Variants in SAMD4B observed in about 807,000 individuals in gnomAD.
The protein encoded by SAMD4B is sterile alpha motif domain containing 4B.
Under a neutral mutation model 74.5 loss-of-function variants are expected in SAMD4B, and 5 were observed. The ratio of observed to expected loss-of-function variants is 0.07; its 90% CI spans 0.04 to 0.14. The LOEUF (loss-of-function observed/expected upper bound fraction) is 0.14. Among genes scored for constraint, SAMD4B ranks in the 10% least tolerant of loss-of-function variants. SAMD4B has a pLI of 1.00. For synonymous variants in SAMD4B, 373 were observed against 374.9 expected (o/e 1.00, Z 0.06); for missense variants, 608 against 921.8 (o/e 0.66, Z 4.41).
At chr19:39,349,281 C>T (rs2075882330) in intron 1 of SAMD4B, among the ~76,000 whole-genome samples, 1 of 152,096 alleles carries the variant, frequency 6.6e-6, no homozygotes, top group Non-Finnish European at 1.5e-5. Context: ...GAGTTAATTA[C>T]ATGCCTAAGT....
At chr19:39,386,056 C>T, downstream of SAMD4B, 1 of 1,613,960 alleles carries the variant, frequency 6.2e-7, no homozygotes, top group Non-Finnish European at 8.5e-7. This position sits in a 1 kb window ranked among gnomAD's most constrained non-coding sequence, Gnocchi z 6.1. Flanking sequence ...TCCTCCTGGG[C>T]CGAGTGCTCG....
intron 6 of SAMD4B, 56 bp from the exon 7 acceptor site, chr19:39,376,649 C>A (rs2145793004): frequency 6.3e-7 from 1 of 1,597,636 alleles, no homozygotes; most frequent in South Asian, 1.1e-5. Flanking sequence ...TTGGGTACCC[C>A]CAAATATCTC....
chr19:39,376,660 A>G, intron 6 of SAMD4B, 45 bp from the exon 7 acceptor site: 1 of 1,600,936 alleles, frequency 6.2e-7, no homozygotes, highest in Non-Finnish European at 8.6e-7. Context: ...CAAATATCTC[A>G]GCCTCACATC....
At chr19:39,380,847 C>T (rs1264180620) in intron 11 of SAMD4B, 62 bp downstream of exon 11, 1 of 1,500,988 alleles carries the variant, frequency 6.7e-7, no homozygotes, top group African/African-American at 1.4e-5. Context: ...CCTGGGATGT[C>T]TATTTGCCTG....
rs2077547872 is a variant in SAMD4B, at chr19:39,375,513, T to C, written c.668-137T>C. Reference sequence around the variant, plus strand: ...AGAATGAGGTATATCTGGTAGGCAGTTACCCTTGGACCCCAGGTCCCTTCC... The same window carrying C: ...AGAATGAGGTATATCTGGTAGGCAGCTACCCTTGGACCCCAGGTCCCTTCC... On this transcript the variant is annotated intron_variant, in intron 4 of 13. Coordinates refer to ENST00000610417, the MANE Select transcript of SAMD4B (RefSeq NM_001384574.2). This position sits in a 1 kb window ranked among gnomAD's most constrained non-coding sequence, Gnocchi z 4.1. 1 of 1,100,718 alleles carries C rather than the reference T, an allele frequency of 9.1e-7. No homozygotes were observed. Among genetic ancestry groups the C allele is most frequent in the Non-Finnish European group, 1.3e-6 (1 of 760,188 alleles). The allele number at this position is 1,100,718 out of a possible 1,614,324, so 68.2% of individuals were successfully genotyped here. A position where few individuals can be genotyped will look rare whatever the true frequency, so the allele number is the denominator to read the frequency against.
At chr19:39,379,532 C>T (rs1212359998) in intron 9 of SAMD4B, among the ~76,000 whole-genome samples, 1 of 152,240 alleles carries the variant, frequency 6.6e-6, no homozygotes, top group African/African-American at 2.4e-5. Flanking sequence ...GTCACCTCTG[C>T]ATCCCAGAAT....
At position 39,358,163 on chromosome 19, in the gene SAMD4B, C is replaced by T. The variant is rs534374314; in HGVS notation, c.196+1074C>T. On this transcript the variant is annotated intron_variant, in intron 3 of 13. Transcript: ENST00000610417. ...GCAGGTGCCTGTAATCCCAGCTACT[C>T]GGGAGGCTGAGGCAAGAGAATCGCT... is the stretch of plus-strand genomic sequence containing the variant. 6.6e-5 allele frequency among the ~76,000 whole-genome samples: 10 copies of T among 152,134 alleles called. No homozygotes were observed. The South Asian group carries it at 2.1e-3, about 32-fold the overall frequency.
intron 5 of SAMD4B, 113 bp from the exon 6 acceptor site, chr19:39,376,324 C>T (rs1314470449): frequency 1.2e-6 from 1 of 802,506 alleles, no homozygotes; most frequent in East Asian, 2.7e-5. Context: ...CCAACCCCCT[C>T]CCAATTTTTT....
chr19:39,371,826 A>AAAC (rs1338059395), intron 4 of SAMD4B, among the ~76,000 whole-genome samples: 1 of 152,108 alleles, frequency 6.6e-6, no homozygotes, highest in Non-Finnish European at 1.5e-5. Context: ...CAAAAAAAAA[A>AAAC]AAACAAAAAC....
chr19:39,374,489 T>C (rs1198809778), intron 4 of SAMD4B, among the ~76,000 whole-genome samples: 1 of 152,182 alleles, frequency 6.6e-6, no homozygotes, highest in Non-Finnish European at 1.5e-5. Flanking sequence ...TATAATGATG[T>C]TTAAGATGGG....
At chr19:39,350,786 G>C (rs62119684) in intron 1 of SAMD4B, 4 of 151,934 alleles carry the variant, frequency 2.6e-5, no homozygotes, top group Non-Finnish European at 5.9e-5. Flanking sequence ...ACCGTGCCCA[G>C]CCTTTCTCCA....
intron 7 of SAMD4B, 133 bp from the exon 8 acceptor site, chr19:39,377,352 A>G: frequency 1.5e-6 from 1 of 663,292 alleles, no homozygotes; most frequent in South Asian, 2.2e-5. Context: ...GTACCCTTAC[A>G]TGCCTTCTCT....
intron 9 of SAMD4B, among the ~76,000 whole-genome samples, chr19:39,379,658 C>T (rs1338835691): frequency 6.6e-6 from 1 of 152,082 alleles, no homozygotes; most frequent in Non-Finnish European, 1.5e-5. Context: ...GCAACCTCCG[C>T]CTCCCAGGTT....
rs747326776 is a variant in SAMD4B, at chr19:39,383,084, G to A, written c.1973-124G>A. 8 of 786,278 alleles carry A rather than the reference G, an allele frequency of 1.0e-5. No homozygotes were observed. Among genetic ancestry groups the A allele is most frequent in the South Asian group, 4.3e-5 (3 of 69,532 alleles). 48.7% of individuals were successfully genotyped at this position (786,278 alleles called of 1,614,324 possible). A position where few individuals can be genotyped will look rare whatever the true frequency, so the allele number is the denominator to read the frequency against. ...CCTCTCTCCCTGTCCACCTCCTCCC[G>A]TTCTTCCCTCTCCCCCTCCATCTCT... On this transcript the variant is annotated intron_variant, in intron 12 of 13. Transcript: ENST00000610417. The surrounding 1 kb of genome is among the most constrained non-coding windows in gnomAD (Gnocchi z 4.1).
At chr19:39,343,991 C>G (rs61255492) in intron 1 of SAMD4B, among the ~76,000 whole-genome samples, 2 of 95,826 alleles carry the variant, frequency 2.1e-5, no homozygotes, top group Non-Finnish European at 5.4e-5. Context: ...GACCCCCCCC[C>G]CCCACACACA....
At position 39,366,555 on chromosome 19, in the gene SAMD4B, A is replaced by G. The variant is rs188549244; in HGVS notation, c.197-3100A>G. On this transcript the variant is annotated intron_variant, in intron 3 of 13. Transcript: ENST00000610417. The stretch of plus-strand genomic sequence containing the variant: ...CAGGCCAAGAAAATGCACAGTCTTT[A>G]TAGCCAGGAGTTAGGAACTGTGTGA... Among the ~76,000 whole-genome samples the G allele has an allele frequency of 7.6e-4, 116 of 152,342 alleles. 1 individual carries two copies. The highest frequency in any genetic ancestry group is 2.6e-3 in the African/African-American group (108 of 41,576).
In SAMD4B at chr19:39,356,820, C is replaced by A; in HGVS notation, c.-74C>A. Reference sequence around the variant, plus strand: ...CCCTCAGGGGAAAGGTAACAGGAGGCCAGAGCCGGGACCATGTGACGGCGC... The same window carrying A: ...CCCTCAGGGGAAAGGTAACAGGAGGACAGAGCCGGGACCATGTGACGGCGC... On this transcript the variant is annotated 5_prime_UTR_variant, in exon 3 of 14. Coordinates refer to ENST00000610417, the MANE Select transcript of SAMD4B (RefSeq NM_001384574.2). 1 of 1,308,552 alleles carries A rather than the reference C, an allele frequency of 7.6e-7. No homozygotes were observed. Among genetic ancestry groups the A allele is most frequent in the Non-Finnish European group, 1.0e-6 (1 of 958,652 alleles). 81.1% of individuals were successfully genotyped at this position (1,308,552 alleles called of 1,614,324 possible).
At chr19:39,373,981 A>G (rs948070948) in intron 4 of SAMD4B, among the ~76,000 whole-genome samples, 4 of 143,628 alleles carry the variant, frequency 2.8e-5, no homozygotes, top group Non-Finnish European at 6.0e-5. Flanking sequence ...ATATATATAT[A>G]TATGACCAGG....
At chr19:39,386,396 C>T (rs1243529504), downstream of SAMD4B, 17 of 1,614,138 alleles carry the variant, frequency 1.1e-5, no homozygotes, top group Non-Finnish European at 1.4e-5. The surrounding 1 kb of genome is among the most constrained non-coding windows in gnomAD (Gnocchi z 6.1). Flanking sequence ...CCTTCTCCTG[C>T]TCCTCATCTG....
Sources: allele counts gnomAD v4.1 joint callset (sites outside exome capture counted in the v4.1 genomes callset), GRCh38; gene constraint gnomAD v4.1.1; non-coding constraint Gnocchi (gnomAD v3.1); transcripts MANE v1.5; gene names NCBI Gene and HGNC (gene_info 2026-07-23, HGNC 2026-07-21).